The following CADM2 variants were observed in gnomAD, a reference collection of about 807,000 sequenced individuals.
CADM2 encodes the protein immunoglobulin superfamily member 4D.
A neutral mutation model predicts 49.8 loss-of-function variants in CADM2; 12 were observed. The ratio of observed to expected loss-of-function variants is 0.24; its 90% CI spans 0.15 to 0.39. The LOEUF (loss-of-function observed/expected upper bound fraction) is 0.39. Ranked by LOEUF, CADM2 falls within the 10% of genes least tolerant of loss-of-function variation. The pLI is 1.00. For missense variants in CADM2, 378 were observed against 492.3 expected, an observed-to-expected ratio of 0.77 and a Z score of 2.20; for synonymous variants, 214 against 175.4, an observed-to-expected ratio of 1.22 and a Z score of -1.74.
At chr3:85,653,476 C>T (rs2065113677) in intron 1 of CADM2, among the ~76,000 whole-genome samples, 1 of 151,344 alleles carries the variant, frequency 6.6e-6, no homozygotes, top group African/African-American at 2.4e-5. Flanking sequence ...AAAAGGACCC[C>T]AAGGTTTTTA....
chr3:85,192,613 T>C (rs1240459080), intron 1 of CADM2, among the ~76,000 whole-genome samples: 3 of 150,876 alleles, frequency 2.0e-5, no homozygotes, highest in Non-Finnish European at 4.4e-5. Context: ...TATATATATA[T>C]ATATAAAGTT....
At chr3:85,528,527 A>T (rs577063555) in intron 1 of CADM2, among the ~76,000 whole-genome samples, 25 of 152,324 alleles carry the variant, frequency 1.6e-4, no homozygotes, top group African/African-American at 5.8e-4. Context: ...TAGTCAATGT[A>T]CTTACTTTTC....
At chr3:85,025,543 G>A (rs9309967) in intron 1 of CADM2, among the ~76,000 whole-genome samples, 36,434 of 152,024 alleles carry the variant, frequency 0.24, 5,489 homozygotes, top group Non-Finnish European at 0.34. Context: ...GCTTGCTAGC[G>A]TTTGCCATAG....
intron 7 of CADM2, among the ~76,000 whole-genome samples, chr3:85,957,956 G>A (rs978837982): frequency 6.6e-6 from 1 of 151,856 alleles, no homozygotes; most frequent in Admixed American, 6.6e-5. Flanking sequence ...TCTAATTAAA[G>A]TAAAGAGCTT....
intron 1 of CADM2, among the ~76,000 whole-genome samples, chr3:85,669,831 C>G (rs2065682162): frequency 6.6e-6 from 1 of 152,026 alleles, no homozygotes; most frequent in Non-Finnish European, 1.5e-5. Context: ...AATGCACACT[C>G]TTTTTTATGT....
intron 1 of CADM2, among the ~76,000 whole-genome samples, chr3:85,018,645 A>G (rs1400253123): frequency 6.6e-6 from 1 of 152,092 alleles, no homozygotes; most frequent in African/African-American, 2.4e-5. Flanking sequence ...ACTCACAGAT[A>G]CTTTTAAGTT....
chr3:85,505,028 G>A (rs1392306188), intron 1 of CADM2, among the ~76,000 whole-genome samples: 1 of 152,114 alleles, frequency 6.6e-6, no homozygotes. Context: ...GAAGCGCCGC[G>A]CGCAGCCCCG....
intron 1 of CADM2, among the ~76,000 whole-genome samples, chr3:85,662,785 ATAG>A: frequency 6.6e-6 from 1 of 152,188 alleles, no homozygotes; most frequent in East Asian, 1.9e-4. Flanking sequence ...GATATTAAAT[ATAG>A]CACTTACCAT....
At chr3:85,299,506 A>T (rs1236296083) in intron 1 of CADM2, among the ~76,000 whole-genome samples, 2 of 152,066 alleles carry the variant, frequency 1.3e-5, no homozygotes, top group Non-Finnish European at 2.9e-5. Context: ...AAGAAAATAG[A>T]TCTAAGGCAG....
At chr3:85,232,983 G>A (rs990691506) in intron 1 of CADM2, among the ~76,000 whole-genome samples, 1 of 152,118 alleles carries the variant, frequency 6.6e-6, no homozygotes, top group Non-Finnish European at 1.5e-5. Context: ...CCAAAAATGG[G>A]AAGAAACAAA....
intron 1 of CADM2, among the ~76,000 whole-genome samples, chr3:85,690,371 G>A (rs964120016): frequency 7.2e-5 from 11 of 152,110 alleles, no homozygotes; most frequent in African/African-American, 2.7e-4. Flanking sequence ...TATGAGAGAT[G>A]TAGTTAACAG....
chr3:85,344,380 AAAAT>A (rs74850280), intron 1 of CADM2, among the ~76,000 whole-genome samples: 39,558 of 140,128 alleles, frequency 0.28, 6,837 homozygotes, highest in Non-Finnish European at 0.39. Context: ...ACACCATCTC[AAAAT>A]AAATAAATAA....
At chr3:85,657,706 A>G (rs931831583) in intron 1 of CADM2, among the ~76,000 whole-genome samples, 1 of 60,462 alleles carries the variant, frequency 1.7e-5, no homozygotes, top group African/African-American at 3.9e-5. Context: ...AGATATATAT[A>G]TACACAGATA....
chr3:85,775,861 T>C (rs1165786711), intron 2 of CADM2, among the ~76,000 whole-genome samples: 2 of 151,930 alleles, frequency 1.3e-5, no homozygotes, highest in Non-Finnish European at 2.9e-5. Flanking sequence ...AGGTACTAAA[T>C]TACCTTTAAA....
intron 1 of CADM2, among the ~76,000 whole-genome samples, chr3:85,685,552 C>G (rs2066177626): frequency 6.6e-6 from 1 of 150,658 alleles, no homozygotes; most frequent in Admixed American, 6.6e-5. Context: ...CTTATTTAAA[C>G]AGCTTTAATA....
chr3:85,609,552 A>G (rs2107443665), intron 1 of CADM2, among the ~76,000 whole-genome samples: 1 of 152,220 alleles, frequency 6.6e-6, no homozygotes, highest in East Asian at 1.9e-4. Context: ...ATTCTCAAAA[A>G]TGTGTCAACT....
intron 1 of CADM2, among the ~76,000 whole-genome samples, chr3:85,158,671 TCA>T (rs2040219088): frequency 6.6e-6 from 1 of 151,972 alleles, no homozygotes; most frequent in Non-Finnish European, 1.5e-5. Context: ...AAGGGAAACA[TCA>T]CACTCTGGGG....
chr3:86,004,752 T>A (rs553886970), intron 8 of CADM2, among the ~76,000 whole-genome samples: 1 of 152,188 alleles, frequency 6.6e-6, no homozygotes, highest in Non-Finnish European at 1.5e-5. Flanking sequence ...CTACTCTCCA[T>A]AGCAGCATGT....
At chr3:85,881,321 G>T (rs1712734881) in intron 3 of CADM2, among the ~76,000 whole-genome samples, 1 of 151,810 alleles carries the variant, frequency 6.6e-6, no homozygotes, top group Non-Finnish European at 1.5e-5. Context: ...GCTTATTAAA[G>T]TATTTTTATA....
Sources: allele counts gnomAD v4.1 joint callset (sites outside exome capture counted in the v4.1 genomes callset), GRCh38; gene constraint gnomAD v4.1.1; transcripts MANE v1.5; gene names NCBI Gene and HGNC (gene_info 2026-07-23, HGNC 2026-07-21).